DNAI1: variants seen among roughly 807,000 people sequenced by gnomAD.
DNAI1 encodes dynein axonemal intermediate chain 1.
A neutral mutation model predicts 92.0 loss-of-function variants in DNAI1; 67 were observed. The ratio of observed to expected loss-of-function variants is 0.73; its 90% CI spans 0.60 to 0.89. The LOEUF (loss-of-function observed/expected upper bound fraction) is 0.89. DNAI1 is among the 40% of genes least tolerant of loss of function. DNAI1 has a pLI of 0.00. For synonymous variants in DNAI1, 323 were observed against 319.6 expected (o/e 1.01, Z -0.11); for missense variants, 839 against 866.6 (o/e 0.97, Z 0.40).
intron 5 of DNAI1, among the ~76,000 whole-genome samples, 197 bp downstream of exon 5, chr9:34,489,646 G>A (rs1394695186): frequency 2.0e-5 from 3 of 152,000 alleles, no homozygotes; most frequent in Non-Finnish European, 2.9e-5. Context: ...TCAGGAGATC[G>A]AGACCATCCT....
intron 12 of DNAI1, among the ~76,000 whole-genome samples, chr9:34,501,941 G>T (rs887125930): frequency 6.6e-6 from 1 of 152,200 alleles, no homozygotes; most frequent in African/African-American, 2.4e-5. Flanking sequence ...AGCCCCTAGC[G>T]CTGTGCTGGC....
At chr9:34,483,940 G>T (rs1197339055) in intron 2 of DNAI1, among the ~76,000 whole-genome samples, 5 of 152,064 alleles carry the variant, frequency 3.3e-5, no homozygotes, top group African/African-American at 9.7e-5. Flanking sequence ...TTTTGGCTGG[G>T]TGTGGTGGCT....
At chr9:34,481,607 T>C (rs1039913689) in intron 1 of DNAI1, among the ~76,000 whole-genome samples, 13 of 152,360 alleles carry the variant, frequency 8.5e-5, no homozygotes, top group Non-Finnish European at 1.6e-4. Context: ...CTGGAGTCTG[T>C]CCCTTCTGAT....
chr9:34,501,796 C>A (rs1427184081), intron 12 of DNAI1, among the ~76,000 whole-genome samples: 1 of 152,162 alleles, frequency 6.6e-6, no homozygotes, highest in Non-Finnish European at 1.5e-5. Context: ...GATGGGATCC[C>A]CTGAACCTTC....
At position 34,459,822 on chromosome 9, in the gene DNAI1, G is replaced by A. The variant is rs77075879; in HGVS notation, c.48+769G>A. Among the ~76,000 whole-genome samples the A allele has an allele frequency of 3.2e-3, 489 of 152,340 alleles. 2 individuals are homozygous for A. Among genetic ancestry groups the A allele is most frequent in the African/African-American group, 0.011 (459 of 41,576 alleles). ...GTGGGAACACAGCTCTTGCTGTTTG[G>A]GAGCCCACAGAGGGTGTGCAAGAGA... On this transcript the variant is annotated intron_variant, in intron 1 of 19. Coordinates refer to ENST00000242317, the MANE Select transcript of DNAI1 (RefSeq NM_012144.4).
At chr9:34,483,309 C>T (rs1824409912) in intron 1 of DNAI1, 139 bp from the exon 2 acceptor site, 1 of 797,760 alleles carries the variant, frequency 1.3e-6, no homozygotes, top group Non-Finnish European at 2.1e-6. Flanking sequence ...CAAGCGAGGG[C>T]TCTGAGGACT....
Position 34,520,723 on chromosome 9 carries a change from G to A in DNAI1, c.2067G>A (p.Leu689=). The change falls in exon 20 of 20, where the codon CTG becomes CTA. Residue 689 remains leucine, a synonymous_variant. Coordinates refer to ENST00000242317, the MANE Select transcript of DNAI1 (RefSeq NM_012144.4). The part of the protein sequence containing the change: ...AVEIAKLDKL[L]NLVREVKIKT ...AGATTGCGAAACTGGACAAACTGCTGAACCTGGTGAGGGAAGTGAAAATCA... is the reference window on the plus strand; with the variant it reads ...AGATTGCGAAACTGGACAAACTGCTAAACCTGGTGAGGGAAGTGAAAATCA... 6.4e-7 allele frequency: 1 copy of A among 1,551,682 alleles called. No individual in the cohort carries two copies.
At chr9:34,518,620 T>C (rs1825214100) in intron 19 of DNAI1, among the ~76,000 whole-genome samples, 1 of 152,162 alleles carries the variant, frequency 6.6e-6, no homozygotes, top group South Asian at 2.1e-4. Flanking sequence ...GGAAGCATAA[T>C]TTGTGGAATA....
rs768664826 is a variant in DNAI1, at chr9:34,517,513, A to G, written c.2001+46A>G. 1.0e-4 allele frequency: 161 copies of G among 1,612,030 alleles called. 1 individual carries two copies. The East Asian group carries it at 3.3e-3, about 33-fold the overall frequency. On this transcript the variant is annotated intron_variant, in intron 19 of 19. Transcript: ENST00000242317. Reference sequence around the variant, plus strand: ...AGCTGCTGCAAGACGTAAAGTCTCCAGGAGGGTGGGGATGACAGAAGGGAG... The same window carrying G: ...AGCTGCTGCAAGACGTAAAGTCTCCGGGAGGGTGGGGATGACAGAAGGGAG...
At chr9:34,500,906 C>G in intron 11 of DNAI1, 67 bp downstream of exon 11, 1 of 1,278,542 alleles carries the variant, frequency 7.8e-7, no homozygotes, top group South Asian at 1.2e-5. Context: ...CCCCCAGTAC[C>G]CCCTTCTGCA....
intron 1 of DNAI1, among the ~76,000 whole-genome samples, chr9:34,460,014 A>G (rs1217165452): frequency 6.6e-6 from 1 of 152,064 alleles, no homozygotes; most frequent in Non-Finnish European, 1.5e-5. Context: ...TGCCCCAACT[A>G]TTTCTAGAGC....
At chr9:34,480,652 C>T (rs910843946) in intron 1 of DNAI1, among the ~76,000 whole-genome samples, 1 of 152,150 alleles carries the variant, frequency 6.6e-6, no homozygotes, top group Non-Finnish European at 1.5e-5. Context: ...GTTAAGAAAT[C>T]GTCACCTTTG....
intron 1 of DNAI1, among the ~76,000 whole-genome samples, chr9:34,475,819 ACATACT>A (rs1476376913): frequency 6.6e-6 from 1 of 152,192 alleles, no homozygotes; most frequent in Non-Finnish European, 1.5e-5. Context: ...CCATCTGATC[ACATACT>A]CATTTTTAAA....
chr9:34,491,186 C>A (rs1385326259), intron 7 of DNAI1, among the ~76,000 whole-genome samples: 2 of 152,208 alleles, frequency 1.3e-5, no homozygotes, highest in Admixed American at 6.5e-5. Context: ...GACCTCTATG[C>A]CCTGGCCTGG....
At chr9:34,481,371 G>A (rs1824350723) in intron 1 of DNAI1, among the ~76,000 whole-genome samples, 1 of 152,198 alleles carries the variant, frequency 6.6e-6, no homozygotes. Context: ...TTACTTGGTC[G>A]TGATCTTCAT....
intron 19 of DNAI1, among the ~76,000 whole-genome samples, chr9:34,517,809 G>T (rs568128539): frequency 9.9e-5 from 15 of 152,278 alleles, no homozygotes; most frequent in African/African-American, 3.4e-4. Context: ...CCAGGCAGGG[G>T]GCCTGGGGCT....
chr9:34,494,200 T>C (rs375938617), intron 9 of DNAI1, among the ~76,000 whole-genome samples: 2 of 152,084 alleles, frequency 1.3e-5, no homozygotes, highest in Non-Finnish European at 2.9e-5. Flanking sequence ...CACTCCAGAA[T>C]TGAAGCTGGA....
chr9:34,493,151 G>T (rs1221793577), intron 8 of DNAI1, 43 bp from the exon 9 acceptor site: 1 of 1,614,096 alleles, frequency 6.2e-7, no homozygotes, highest in South Asian at 1.1e-5. Context: ...TCTGGGTAAA[G>T]ATTGCACCTT....
At chr9:34,516,684 C>T (rs1825175406) in intron 18 of DNAI1, among the ~76,000 whole-genome samples, 1 of 151,952 alleles carries the variant, frequency 6.6e-6, no homozygotes, top group Admixed American at 6.6e-5. Flanking sequence ...GATGTGCTTG[C>T]CCAGAGTCTA....
Sources: gnomAD v4.1 joint callset for allele counts (sites outside exome capture counted in the v4.1 genomes callset) on GRCh38, gnomAD v4.1.1 for gene constraint, MANE v1.5 for transcripts, NCBI Gene and HGNC (gene_info 2026-07-23, HGNC 2026-07-21) for gene names.